PFKL: variants seen among roughly 807,000 people sequenced by gnomAD.
PFKL encodes phosphofructokinase, liver type.
PFKL carries 74 observed loss-of-function variants against 92.1 expected under a neutral mutation model. The ratio of observed to expected loss-of-function variants is 0.80; its 90% CI spans 0.67 to 0.97. The LOEUF is 0.97. Among genes scored for constraint, PFKL ranks in the 50% least tolerant of loss-of-function variants. PFKL has a pLI of 0.00. For missense variants in PFKL, 1,028 were observed against 1,116.6 expected, an observed-to-expected ratio of 0.92 and a Z score of 1.13; for synonymous variants, 494 against 456.4, an observed-to-expected ratio of 1.08 and a Z score of -1.05.
intron 5 of PFKL, 124 bp from the exon 6 acceptor site, chr21:44,313,514 C>A: frequency 3.4e-6 from 3 of 888,024 alleles, no homozygotes; most frequent in Non-Finnish European, 5.4e-6. Flanking sequence ...AGAGCCTGGG[C>A]ATGAGAAGGG....
At chr21:44,313,238 G>A (rs1055858472) in intron 5 of PFKL, 95 bp downstream of exon 5, 31 of 1,378,522 alleles carry the variant, frequency 2.2e-5, no homozygotes, top group Non-Finnish European at 2.9e-5. Context: ...CAAGGGCAGT[G>A]GACTCTGGTA....
intron 6 of PFKL, 35 bp from the exon 7 acceptor site, chr21:44,313,877 TG>T: frequency 6.7e-7 from 1 of 1,500,682 alleles, no homozygotes; most frequent in Non-Finnish European, 9.1e-7. Flanking sequence ...AACGGCTGGG[TG>T]GGGGTCCTGA....
In PFKL at chr21:44,300,174, C is replaced by T. The variant is rs568911482; in HGVS notation, c.69C>T (p.Ser23=). ...GAGKAIGVLT[S]GGDAQGMNAA... is the part of the protein sequence containing the mutation. The stretch of plus-strand genomic sequence containing the variant: ...GCAAGGCCATCGGCGTCCTGACCAG[C>T]GGCGGCGACGCGCAAGGTGGGCGGG... The change falls in exon 1 of 22, where the codon AGC becomes AGT. Residue 23 remains serine, a synonymous_variant. Transcript: ENST00000349048. 116 of 1,154,122 alleles carry T rather than the reference C, an allele frequency of 1.0e-4. No individual in the cohort carries two copies. The African/African-American group carries it at 1.7e-3, about 17-fold the overall frequency. The allele number at this position is 1,154,122 out of a possible 1,614,324, so 71.5% of individuals were successfully genotyped here. A position where few individuals can be genotyped will look rare whatever the true frequency, so the allele number is the denominator to read the frequency against.
At chr21:44,300,794 T>A (rs2040752830) in intron 1 of PFKL, among the ~76,000 whole-genome samples, 1 of 152,064 alleles carries the variant, frequency 6.6e-6, no homozygotes, top group Non-Finnish European at 1.5e-5. Context: ...AGGCCTCAGG[T>A]GGTGGGGACT....
At chr21:44,309,250 C>T (rs2041046173) in intron 2 of PFKL, among the ~76,000 whole-genome samples, 1 of 152,054 alleles carries the variant, frequency 6.6e-6, no homozygotes, top group African/African-American at 2.4e-5. Context: ...GGGAGGGTGG[C>T]CTTGGAGGTG....
rs553304230 is a variant in PFKL, at chr21:44,318,625, G to T, written c.1062+30G>T. On this transcript the variant is annotated intron_variant, in intron 10 of 21. Transcript: ENST00000349048. ...GCCCTGGGCCCCCCCCATCAGAACC[G>T]CCTGGCCCCTCTCCCCAGTCCCCAC... 20 of 1,440,164 alleles carry T rather than the reference G, an allele frequency of 1.4e-5. No individual in the cohort carries two copies. The South Asian group carries it at 2.1e-4, about 15-fold the overall frequency. 89.2% of individuals were successfully genotyped at this position (1,440,164 alleles called of 1,614,324 possible). A position where few individuals can be genotyped will look rare whatever the true frequency, so the allele number is the denominator to read the frequency against.
chr21:44,312,028 T>C, intron 3 of PFKL, 77 bp from the exon 4 acceptor site: 1 of 1,222,744 alleles, frequency 8.2e-7, no homozygotes, highest in Non-Finnish European at 1.1e-6. Context: ...TGCCCAGTCC[T>C]GGGGTCCCTC....
intron 2 of PFKL, among the ~76,000 whole-genome samples, chr21:44,307,884 G>A (rs929239325): frequency 6.6e-6 from 1 of 152,214 alleles, no homozygotes; most frequent in African/African-American, 2.4e-5. Context: ...GGAGAAATTA[G>A]GGTTTTCCGG....
chr21:44,313,613 G>A, intron 5 of PFKL, 25 bp from the exon 6 acceptor site: 2 of 1,606,826 alleles, frequency 1.2e-6, no homozygotes, highest in Non-Finnish European at 1.7e-6. Context: ...TGGCACTGAT[G>A]CATCCTCCTG....
intron 14 of PFKL, 72 bp downstream of exon 14, chr21:44,322,275 C>T (rs903067890): frequency 1.5e-5 from 22 of 1,433,714 alleles, no homozygotes; most frequent in South Asian, 1.5e-4. Flanking sequence ...CAGGTGGGGG[C>T]GGCAAGGGGA....
At position 44,320,253 on chromosome 21, in the gene PFKL, T is replaced by C. The variant is rs546174032; in HGVS notation, c.1191+106T>C. ...GCCTGCCTGCCCCCACCTTCCCTCC[T>C]GCTGGGGTCCGAGCTGTGAGCTGGG... On this transcript the variant is annotated intron_variant, in intron 12 of 21. Transcript: ENST00000349048. 96 of 948,072 alleles carry C rather than the reference T, an allele frequency of 1.0e-4. No homozygotes were observed. The South Asian group carries it at 1.4e-3, about 14-fold the overall frequency. The allele number at this position is 948,072 out of a possible 1,614,324, so 58.7% of individuals were successfully genotyped here.
intron 1 of PFKL, among the ~76,000 whole-genome samples, chr21:44,303,441 A>AAAAAAAAATACTTGATCG (rs1555874961): frequency 1.0e-5 from 1 of 97,096 alleles, no homozygotes; most frequent in Non-Finnish European, 1.9e-5. Context: ...ACCAAAAAAA[A>AAAAAAAAATACTTGATCG]AAAAAAAAAA....
At chr21:44,325,113 A>G in intron 18 of PFKL, 40 bp from the exon 19 acceptor site, 1 of 1,434,350 alleles carries the variant, frequency 7.0e-7, no homozygotes, top group Non-Finnish European at 9.8e-7. Flanking sequence ...GGGAGACCTG[A>G]ACTCGTTCCC....
chr21:44,325,029 G>A (rs941918331), intron 18 of PFKL, 112 bp downstream of exon 18: 69 of 1,233,876 alleles, frequency 5.6e-5, no homozygotes, highest in Non-Finnish European at 6.9e-5. Context: ...CTTGGAGAGG[G>A]TGGGCCAGGG....
At chr21:44,315,895 C>G (rs1262723957) in intron 7 of PFKL, 1 of 348,300 alleles carries the variant, frequency 2.9e-6, no homozygotes, top group Admixed American at 4.2e-5. Flanking sequence ...AGCTGCAGCC[C>G]TGTGCGTCTT....
In PFKL at chr21:44,316,467, A is replaced by G; in HGVS notation, c.879A>G (p.Val293=). The G allele has an allele frequency of 6.2e-7, 1 of 1,611,452 alleles. No homozygotes were observed. ...VVQRLGFDTR[V]TVLGHVQRGG... ...AGAGGCTGGGCTTCGACACCCGTGT[A>G]ACTGTGCTGGGCCACGTGCAGCGGG... The change falls in exon 9 of 22, where the codon GTA becomes GTG. Residue 293 remains valine (V), a synonymous_variant. Coordinates refer to ENST00000349048, the MANE Select transcript of PFKL (RefSeq NM_002626.6).
Position 44,322,849 on chromosome 21 carries a change from G to A in PFKL, c.1410-113G>A, listed in dbSNP as rs577547615. 23 of 671,226 alleles carry A rather than the reference G, an allele frequency of 3.4e-5. 1 individual carries two copies. Among genetic ancestry groups the A allele is most frequent in the South Asian group, 2.9e-4 (15 of 51,760 alleles). The allele number at this position is 671,226 out of a possible 1,614,324, so 41.6% of individuals were successfully genotyped here. Reference sequence around the variant, plus strand: ...AGCGCCACATCCCGGGCATTGCAGCGACTGCTGACTGGCTCGGGGAACGGC... The same window carrying A: ...AGCGCCACATCCCGGGCATTGCAGCAACTGCTGACTGGCTCGGGGAACGGC... On this transcript the variant is annotated intron_variant, in intron 14 of 21. Coordinates refer to ENST00000349048, the MANE Select transcript of PFKL (RefSeq NM_002626.6).
In PFKL at chr21:44,322,973, A is replaced by C; in HGVS notation, c.1421A>C (p.Lys474Thr). 6.2e-7 allele frequency: 1 copy of C among 1,611,506 alleles called. No homozygotes were observed. Among genetic ancestry groups the C allele is most frequent in the East Asian group, 2.2e-5 (1 of 44,800 alleles). The change falls in exon 15 of 22, where the codon AAG (lysine) becomes ACG (threonine). Residue 474 changes from lysine to threonine, a missense_variant. Transcript: ENST00000349048. ...SMLGTKRTLP[K>T]GQLESIVENI... Reference sequence around the variant, plus strand: ...GTCTTTGACTGCAGGACCCTGCCCAAGGGCCAGCTGGAGTCCATTGTGGAG... The same window carrying C: ...GTCTTTGACTGCAGGACCCTGCCCACGGGCCAGCTGGAGTCCATTGTGGAG...
intron 1 of PFKL, chr21:44,305,110 A>C: frequency 3.7e-6 from 2 of 537,250 alleles, no homozygotes; most frequent in Non-Finnish European, 2.9e-6. Flanking sequence ...GGTCTGGGTG[A>C]GTCCTGGCTC....
Sources: allele counts gnomAD v4.1 joint callset (sites outside exome capture counted in the v4.1 genomes callset), GRCh38; gene constraint gnomAD v4.1.1; transcripts MANE v1.5; gene names NCBI Gene and HGNC (gene_info 2026-07-23, HGNC 2026-07-21).